TRIO: variants seen among roughly 807,000 people sequenced by gnomAD.
The protein encoded by TRIO is triple functional domain protein.
TRIO carries 58 observed loss-of-function variants against 351.9 expected under a neutral mutation model. The ratio of observed to expected loss-of-function variants is 0.16; its 90% CI spans 0.13 to 0.21. The LOEUF (loss-of-function observed/expected upper bound fraction) is 0.21, where lower values mean the gene tolerates loss of function less well. Among genes scored for constraint, TRIO ranks in the 10% least tolerant of loss-of-function variants. TRIO has a pLI of 1.00. For missense variants in TRIO, 3,201 were observed against 4,027.8 expected (o/e 0.79, Z 5.56); for synonymous variants, 1,758 against 1,595.7 (o/e 1.10, Z -2.42).
chr5:14,234,193 C>T (rs1480950432), intron 1 of TRIO, among the ~76,000 whole-genome samples: 2 of 152,150 alleles, frequency 1.3e-5, no homozygotes, highest in Non-Finnish European at 2.9e-5. Flanking sequence ...ATGTTGACTA[C>T]TTTAGGCCCA....
chr5:14,502,623 G>C lies in TRIO; in HGVS notation c.8377G>C (p.Asp2793His). The change falls in exon 54 of 57, where the codon GAC becomes CAC. Residue 2793 changes from aspartate to histidine, a missense_variant. This residue lies in a region of TRIO where 1,089 missense variants were observed against 954.9 expected (regional missense o/e 1.14). Coordinates refer to ENST00000344204, the MANE Select transcript of TRIO (RefSeq NM_007118.4). ...CATGGTGACCTGGAAAGACAACTTT[G>C]ACTCCTTCTACAGTGAAGTGGCTGA... is the stretch of plus-strand genomic sequence containing the variant. ...GIMVTWKDNFDSFYSEVAELG... is the reference protein window; with the variant it reads ...GIMVTWKDNFHSFYSEVAELG... The C allele has an allele frequency of 6.2e-7, 1 of 1,614,228 alleles. No homozygotes were observed. The highest frequency in any genetic ancestry group is 8.5e-7 in the Non-Finnish European group (1 of 1,180,044).
chr5:14,149,653 C>T (rs1787711078), intron 1 of TRIO, among the ~76,000 whole-genome samples: 1 of 152,132 alleles, frequency 6.6e-6, no homozygotes, highest in South Asian at 2.1e-4. Context: ...TGTAAAACCT[C>T]GTTTTGGTGA....
chr5:14,288,374 A>G (rs1434092199), intron 4 of TRIO, among the ~76,000 whole-genome samples: 1 of 152,182 alleles, frequency 6.6e-6, no homozygotes, highest in East Asian at 1.9e-4. Context: ...GGAGATTATT[A>G]AAAGTCCAGC....
intron 1 of TRIO, among the ~76,000 whole-genome samples, chr5:14,245,550 G>T (rs1335353436): frequency 6.6e-6 from 1 of 152,256 alleles, no homozygotes; most frequent in African/African-American, 2.4e-5. Context: ...TAAAGATAGT[G>T]TATGTCAGAC....
chr5:14,264,794 G>A (rs116565823), intron 1 of TRIO, among the ~76,000 whole-genome samples: 21 of 152,334 alleles, frequency 1.4e-4, no homozygotes, highest in African/African-American at 5.0e-4. Context: ...TGGCCGGCCC[G>A]GAGAGGGTGA....
rs762157180 is a variant in TRIO, at chr5:14,485,149, A to C, written c.6738A>C (p.Val2246=). 1 of 1,595,130 alleles carries C rather than the reference A, an allele frequency of 6.3e-7. No individual in the cohort carries two copies. Among genetic ancestry groups the C allele is most frequent in the East Asian group, 2.3e-5 (1 of 44,310 alleles). The stretch of plus-strand genomic sequence containing the variant: ...TGACATCGAGGACGGGTGACGTGGT[A>C]GAGACCTTCATTTTGCATTCATCTA... ...FALTSRTGDV[V]ETFILHSSSP... is the part of the protein sequence containing the mutation. Residue 2246 remains valine (V), a synonymous_variant, in exon 47 of 57, where the codon GTA becomes GTC. Coordinates refer to ENST00000344204, the MANE Select transcript of TRIO (RefSeq NM_007118.4).
chr5:14,322,816 C>A (rs1288981115), intron 9 of TRIO, among the ~76,000 whole-genome samples: 2 of 152,202 alleles, frequency 1.3e-5, no homozygotes, highest in Non-Finnish European at 2.9e-5. Context: ...AGAATGGCTA[C>A]AGGATTGCCA....
intron 33 of TRIO, among the ~76,000 whole-genome samples, chr5:14,415,792 T>C (rs1440276367): frequency 6.6e-6 from 1 of 152,224 alleles, no homozygotes; most frequent in Non-Finnish European, 1.5e-5. Context: ...GTGTAGTCTT[T>C]GGAGGAGGCA....
intron 41 of TRIO, 86 bp downstream of exon 41, chr5:14,477,049 T>A: frequency 8.5e-7 from 1 of 1,178,290 alleles, no homozygotes; most frequent in South Asian, 1.4e-5. Context: ...AACTCACTTA[T>A]ACTTTATGTA....
intron 2 of TRIO, among the ~76,000 whole-genome samples, chr5:14,279,652 CCTGT>C (rs1374842580): frequency 3.3e-5 from 5 of 152,064 alleles, no homozygotes; most frequent in African/African-American, 9.7e-5. Flanking sequence ...GTTCTGCCTG[CCTGT>C]CTGTCAAAGT....
In TRIO at chr5:14,290,985, C is replaced by A. The variant is rs746123955; in HGVS notation, c.810C>A (p.Ala270=). ...AGCTGAAGAAGAAGGTGATTAAGGC[C>A]CCCATCGAGGACCTGGATTTGGAGG... is the stretch of plus-strand genomic sequence containing the variant. ...HSQLKKKVIK[A]PIEDLDLEGQ... is the part of the protein sequence containing the mutation. Residue 270 remains alanine, a synonymous_variant, in exon 5 of 57, where the codon GCC becomes GCA. Transcript: ENST00000344204. The A allele has an allele frequency of 6.2e-7, 1 of 1,614,132 alleles. No individual in the cohort carries two copies. Among genetic ancestry groups the A allele is most frequent in the South Asian group, 1.1e-5 (1 of 91,082 alleles).
At chr5:14,426,978 CT>C (rs1363824184) in intron 34 of TRIO, among the ~76,000 whole-genome samples, 1 of 152,146 alleles carries the variant, frequency 6.6e-6, no homozygotes, top group Non-Finnish European at 1.5e-5. Context: ...ACCAGGGTTA[CT>C]CCTCAGAATC....
Position 14,330,755 on chromosome 5 carries a change from T to C in TRIO, c.1732-23T>C, listed in dbSNP as rs1344161110. ...ATGGCAGGACATTGTTTTTATGGCA[T>C]ATGTACCTGTATTTCATTGTAGGTG... On this transcript the variant is annotated intron_variant, in intron 9 of 56. Coordinates refer to ENST00000344204, the MANE Select transcript of TRIO (RefSeq NM_007118.4). The C allele has an allele frequency of 2.5e-6, 4 of 1,612,824 alleles. No individual in the cohort carries two copies. In the South Asian group the frequency reaches 4.4e-5, roughly 18 times the overall value.
At chr5:14,504,861 C>CA (rs1757550596) in intron 55 of TRIO, among the ~76,000 whole-genome samples, 1 of 65,250 alleles carries the variant, frequency 1.5e-5, no homozygotes, top group Non-Finnish European at 2.8e-5. Flanking sequence ...CGGAGATGCA[C>CA]CCCCCCCACC....
At chr5:14,265,049 G>T (rs1266894004) in intron 1 of TRIO, among the ~76,000 whole-genome samples, 2 of 150,436 alleles carry the variant, frequency 1.3e-5, no homozygotes, top group East Asian at 1.9e-4. Context: ...TTTTGTTACT[G>T]CTGCAACCTG....
intron 1 of TRIO, among the ~76,000 whole-genome samples, chr5:14,248,244 ATTCT>A (rs1460147615): frequency 6.6e-6 from 1 of 152,194 alleles, no homozygotes; most frequent in African/African-American, 2.4e-5. Context: ...TGAAGGAATC[ATTCT>A]TTAATGTTAT....
intron 37 of TRIO, among the ~76,000 whole-genome samples, chr5:14,467,308 T>A (rs191765337): frequency 2.0e-5 from 3 of 152,314 alleles, no homozygotes; most frequent in Non-Finnish European, 4.4e-5. Flanking sequence ...TCCCATTTCT[T>A]CCTTCATCCA....
At chr5:14,264,883 T>G (rs764724486) in intron 1 of TRIO, among the ~76,000 whole-genome samples, 1 of 152,210 alleles carries the variant, frequency 6.6e-6, no homozygotes, top group Non-Finnish European at 1.5e-5. Context: ...ACTCTTCTCT[T>G]TGTGTGCAGG....
chr5:14,327,245 A>G (rs771307828), intron 9 of TRIO, among the ~76,000 whole-genome samples: 9 of 152,132 alleles, frequency 5.9e-5, no homozygotes, highest in African/African-American at 9.7e-5. Context: ...GCTCACTGCA[A>G]TCTCTGCCTC....
Sources: allele counts gnomAD v4.1 joint callset (sites outside exome capture counted in the v4.1 genomes callset), GRCh38; gene constraint gnomAD v4.1.1; regional missense constraint gnomAD v4.1.1; transcripts MANE v1.5; gene names NCBI Gene and HGNC (gene_info 2026-07-23, HGNC 2026-07-21).